KLF12: variants seen among roughly 807,000 people sequenced by gnomAD.
KLF12 encodes the protein Krueppel-like factor 12.
Under a neutral mutation model 37.8 loss-of-function variants are expected in KLF12, and 9 were observed. The observed-to-expected ratio is 0.24, with a 90% CI of 0.14 to 0.42. KLF12 has a LOEUF of 0.42. KLF12 is among the 10% of genes least tolerant of loss of function. The pLI, the probability that KLF12 is intolerant of heterozygous loss-of-function variation, is 1.00. For missense variants in KLF12, 411 were observed against 516.0 expected (o/e 0.80, Z 1.97); for synonymous variants, 208 against 202.1 (o/e 1.03, Z -0.25).
intron 2 of KLF12, among the ~76,000 whole-genome samples, chr13:73,963,088 T>A (rs1891067575): frequency 6.6e-6 from 1 of 152,212 alleles, no homozygotes; most frequent in South Asian, 2.1e-4. Flanking sequence ...TATATCATTC[T>A]GCATTTAATC....
chr13:73,704,045 G>C (rs553013869), intron 7 of KLF12, among the ~76,000 whole-genome samples: 1 of 152,150 alleles, frequency 6.6e-6, no homozygotes, highest in Admixed American at 6.5e-5. Context: ...TCATTTCTAC[G>C]TAGTGACCTT....
chr13:73,710,371 A>C (rs2137644660), intron 7 of KLF12, among the ~76,000 whole-genome samples: 1 of 137,722 alleles, frequency 7.3e-6, no homozygotes, highest in African/African-American at 2.7e-5. Flanking sequence ...CATTTCGAAG[A>C]TATTGTCTGT....
At chr13:74,289,297 T>C in the KLF12 span, 1 of 152,296 alleles carries the variant, frequency 6.6e-6, no homozygotes, top group East Asian at 1.9e-4. Flanking sequence ...TGTCATGTCG[T>C]TCTGGTGACA....
At chr13:73,875,629 G>A (rs370505022) in intron 3 of KLF12, among the ~76,000 whole-genome samples, 1 of 152,046 alleles carries the variant, frequency 6.6e-6, no homozygotes, top group East Asian at 1.9e-4. Flanking sequence ...TAAATGTGTT[G>A]TATAAATCAT....
chr13:74,056,768 T>C (rs1434871102), intron 1 of KLF12, among the ~76,000 whole-genome samples: 1 of 152,210 alleles, frequency 6.6e-6, no homozygotes, highest in Admixed American at 6.5e-5. Context: ...TTTAATTCTA[T>C]GTGTAAAAGA....
At chr13:74,074,225 C>T (rs1220736796) in intron 1 of KLF12, among the ~76,000 whole-genome samples, 2 of 152,080 alleles carry the variant, frequency 1.3e-5, no homozygotes, top group Non-Finnish European at 2.9e-5. Context: ...CACTCTTTTT[C>T]GGTATGTCAA....
At chr13:74,233,748 T>C in the KLF12 span, among the ~76,000 whole-genome samples, 922 of 152,342 alleles carry the variant, frequency 6.1e-3, 10 homozygotes, top group African/African-American at 0.021. Context: ...TGTCACCTTA[T>C]GGACATCTTC....
At chr13:74,133,982 T>G (rs952347336), upstream of KLF12, among the ~76,000 whole-genome samples, 25 of 152,116 alleles carry the variant, frequency 1.6e-4, no homozygotes, top group Non-Finnish European at 3.1e-4. Flanking sequence ...CCGGATCACA[T>G]GATGCGCTAA....
chr13:74,266,945 T>C, the KLF12 span, among the ~76,000 whole-genome samples: 1 of 152,142 alleles, frequency 6.6e-6, no homozygotes. Context: ...GTGGATATCT[T>C]TTTCCATCTG....
At chr13:74,007,133 G>A (rs1185027706) in intron 1 of KLF12, among the ~76,000 whole-genome samples, 1 of 151,838 alleles carries the variant, frequency 6.6e-6, no homozygotes, top group Non-Finnish European at 1.5e-5. Context: ...AATCAACACA[G>A]CCAACTATTT....
the KLF12 span, among the ~76,000 whole-genome samples, chr13:74,294,457 C>T: frequency 3.9e-4 from 59 of 152,034 alleles, no homozygotes; most frequent in Admixed American, 1.6e-3. Context: ...CAACCTCTGC[C>T]CCCTGGGTTC....
At chr13:73,741,619 T>C (rs1055391646) in intron 6 of KLF12, among the ~76,000 whole-genome samples, 6 of 152,160 alleles carry the variant, frequency 3.9e-5, no homozygotes, top group African/African-American at 1.4e-4. Context: ...ATTTGAATTA[T>C]TTCAATTTCA....
chr13:73,920,182 T>C (rs2139211417), intron 3 of KLF12, among the ~76,000 whole-genome samples: 1 of 152,314 alleles, frequency 6.6e-6, no homozygotes, highest in East Asian at 1.9e-4. Context: ...AGTATAAACA[T>C]ACTTCATGTA....
intron 4 of KLF12, among the ~76,000 whole-genome samples, chr13:73,814,794 G>A (rs965786590): frequency 1.1e-4 from 17 of 152,020 alleles, no homozygotes; most frequent in African/African-American, 3.9e-4. Context: ...CATCTAGTGG[G>A]CAGACGCTAA....
intron 4 of KLF12, among the ~76,000 whole-genome samples, chr13:73,825,620 A>C (rs1403241389): frequency 4.6e-5 from 7 of 152,258 alleles, no homozygotes; most frequent in African/African-American, 1.7e-4. Context: ...ATTTCTGATA[A>C]ATTGCATGGT....
At chr13:74,226,837 C>T in the KLF12 span, among the ~76,000 whole-genome samples, 1 of 152,128 alleles carries the variant, frequency 6.6e-6, no homozygotes, top group African/African-American at 2.4e-5. Context: ...CCATACGTTA[C>T]ATATAGCAGA....
At chr13:73,957,210 C>A (rs1269560960) in intron 2 of KLF12, among the ~76,000 whole-genome samples, 1 of 68,228 alleles carries the variant, frequency 1.5e-5, no homozygotes, top group Non-Finnish European at 4.0e-5. Context: ...AAAATAACAC[C>A]TGATATAAAA....
chr13:73,920,681 T>C (rs1487183147), intron 3 of KLF12, among the ~76,000 whole-genome samples: 2 of 152,132 alleles, frequency 1.3e-5, no homozygotes, highest in African/African-American at 4.8e-5. Flanking sequence ...TCTCTGTCCT[T>C]TCCTAAAAGT....
At chr13:74,002,259 T>C (rs1374954076) in intron 1 of KLF12, among the ~76,000 whole-genome samples, 1 of 152,224 alleles carries the variant, frequency 6.6e-6, no homozygotes, top group Non-Finnish European at 1.5e-5. Flanking sequence ...AGCAAATTAG[T>C]AGACTGTCAA....
Sources: gnomAD v4.1 joint callset for allele counts (sites outside exome capture counted in the v4.1 genomes callset) on GRCh38, gnomAD v4.1.1 for gene constraint, MANE v1.5 for transcripts, NCBI Gene and HGNC (gene_info 2026-07-23, HGNC 2026-07-21) for gene names.